PIR: variants seen among roughly 807,000 people sequenced by gnomAD.
PIR encodes pirin (iron-binding nuclear protein).
A neutral mutation model predicts 24.2 loss-of-function variants in PIR; 22 were observed. The ratio of observed to expected loss-of-function variants is 0.91; its 90% CI spans 0.65 to 1.30. The LOEUF (loss-of-function observed/expected upper bound fraction) is 1.30. Among genes scored for constraint, PIR ranks in the 50% most tolerant of loss-of-function variants. The pLI is 0.00. For synonymous variants in PIR, 80 were observed against 79.6 expected (o/e 1.00, Z -0.03); for missense variants, 220 against 220.3 (o/e 1.00, Z 0.01).
At chrX:15,436,446 A>AATT (rs1322680649) in intron 5 of PIR, among the ~76,000 whole-genome samples, 1 of 112,111 alleles carries the variant, frequency 8.9e-6, no homozygotes, top group East Asian at 2.8e-4. Context: ...TCCTTGCCTG[A>AATT]ATTTGGGTTA....
intron 6 of PIR, among the ~76,000 whole-genome samples, chrX:15,410,865 G>A (rs908662864): frequency 2.7e-5 from 3 of 112,222 alleles, no homozygotes; most frequent in African/African-American, 9.7e-5. Flanking sequence ...ATCTGCACTT[G>A]CTTCTGTTAA....
At chrX:15,415,575 A>G (rs1422840101) in intron 6 of PIR, among the ~76,000 whole-genome samples, 2 of 112,042 alleles carry the variant, frequency 1.8e-5, no homozygotes, top group African/African-American at 6.5e-5. Context: ...CATGGTGACT[A>G]CAGTTAATAA....
intron 2 of PIR, 40 bp from the exon 3 acceptor site, chrX:15,479,861 T>A: frequency 1.4e-6 from 1 of 716,511 alleles, no homozygotes; most frequent in Non-Finnish European, 2.1e-6. Context: ...ATATGTCTTT[T>A]AAGCCATACT....
intron 5 of PIR, among the ~76,000 whole-genome samples, chrX:15,439,938 A>G (rs1925860905): frequency 9.0e-6 from 1 of 111,689 alleles, no homozygotes; most frequent in African/African-American, 3.3e-5. Context: ...GCCACACAGG[A>G]GGTCACCTAC....
intron 3 of PIR, among the ~76,000 whole-genome samples, chrX:15,475,621 G>A (rs1489695143): frequency 3.6e-5 from 4 of 111,846 alleles, no homozygotes; most frequent in Admixed American, 1.9e-4. Flanking sequence ...TTCATCAACG[G>A]AGTCCGATCT....
rs777893526 is a variant in PIR, at chrX:15,479,776, C to G, written c.142G>C (p.Gly48Arg). Residue 48 changes from glycine to arginine, a missense_variant, in exon 3 of 10, where the codon GGT becomes CGT. Gly to Arg is a moderately radical substitution (Grantham distance 125, BLOSUM62 -2). Transcript: ENST00000380420. ...TGATCAGGAAATCCTCCTGGTCTAC[C>G]TCCTTTAAATTCATCAAACAGTAAA... is the stretch of plus-strand genomic sequence containing the variant. ...PFLLFDEFKG[G>R]RPGGFPDHPH... The G allele has an allele frequency of 8.5e-7, 1 of 1,182,308 alleles. No homozygotes were observed. Among genetic ancestry groups the G allele is most frequent in the South Asian group, 1.9e-5 (1 of 53,694 alleles).
intron 5 of PIR, among the ~76,000 whole-genome samples, chrX:15,455,407 G>A (rs1921041586): frequency 9.0e-6 from 1 of 111,134 alleles, no homozygotes; most frequent in Non-Finnish European, 1.9e-5. Flanking sequence ...GTAGTAGTGT[G>A]CTTTCCTTAC....
At chrX:15,390,792 T>G (rs994200334) in intron 8 of PIR, among the ~76,000 whole-genome samples, 2 of 111,502 alleles carry the variant, frequency 1.8e-5, no homozygotes, top group Non-Finnish European at 3.8e-5. Flanking sequence ...TCTCTAAAAG[T>G]TTTTGCTTAG....
At chrX:15,433,530 AAGAAAGAAAGAAAGAGAG>A (rs199981164) in intron 5 of PIR, among the ~76,000 whole-genome samples, 8,394 of 78,387 alleles carry the variant, frequency 0.11, 641 homozygotes, top group Admixed American at 0.16. Context: ...GAAAGAAAGA[AAGAAAGAAAGAAAGAGAG>A]AGAAAGAAAG....
chrX:15,466,000 G>A (rs750339972), intron 3 of PIR, among the ~76,000 whole-genome samples: 30 of 89,251 alleles, frequency 3.4e-4, no homozygotes, highest in African/African-American at 1.2e-3. Flanking sequence ...CTTTAAAATG[G>A]TGGCTGTTTT....
At chrX:15,424,485 T>C (rs576756061) in intron 6 of PIR, among the ~76,000 whole-genome samples, 1 of 111,992 alleles carries the variant, frequency 8.9e-6, no homozygotes, top group Non-Finnish European at 1.9e-5. Flanking sequence ...TGGTGTTTGA[T>C]AGATCAGTAG....
At chrX:15,392,231 G>C (rs1219312029) in intron 8 of PIR, among the ~76,000 whole-genome samples, 1 of 111,420 alleles carries the variant, frequency 9.0e-6, no homozygotes, top group Admixed American at 9.6e-5. Context: ...AAATTTTAGC[G>C]TGGTTACTCA....
At chrX:15,420,669 T>C (rs1284786623) in intron 6 of PIR, among the ~76,000 whole-genome samples, 3 of 111,385 alleles carry the variant, frequency 2.7e-5, no homozygotes, top group Admixed American at 1.9e-4. Flanking sequence ...TTAGATGATG[T>C]AGAATATCAC....
intron 5 of PIR, among the ~76,000 whole-genome samples, chrX:15,454,423 G>T (rs773530935): frequency 9.3e-6 from 1 of 107,751 alleles, no homozygotes; most frequent in African/African-American, 3.4e-5. Flanking sequence ...AATTACTTTT[G>T]TTTGCACTAG....
Position 15,384,975 on chromosome X carries a change from C to A in PIR, c.*29G>T. 1.2e-6 allele frequency: 1 copy of A among 813,136 alleles called. No individual in the cohort carries two copies. The highest frequency in any genetic ancestry group is 1.9e-6 in the Non-Finnish European group (1 of 539,347). The allele number at this position is 813,136 out of a possible 1,213,427, so 67.0% of individuals were successfully genotyped here. On this transcript the variant is annotated 3_prime_UTR_variant, in exon 10 of 10. Coordinates refer to ENST00000380420, the MANE Select transcript of PIR (RefSeq NM_001018109.3). ...TCTCAGAAATGGCAAAATTCTAGGA[C>A]ACATCAAGACCTGCTCTTCCGCTTT...
Position 15,421,658 on chromosome X carries a change from T to TA in PIR, c.565+4247dup, listed in dbSNP as rs60869715. ...GATAGAAGCCATAATAAGTCTCCCA[T>TA]AAAAAAAAAAAAAGCCCAAGATCTG... On this transcript the variant is annotated intron_variant, in intron 6 of 9. Transcript: ENST00000380420. Among the ~76,000 whole-genome samples the TA allele has an allele frequency of 4.4e-3, 413 of 93,102 alleles. 2 individuals are homozygous for TA. The highest frequency in any genetic ancestry group is 6.2e-3 in the East Asian group (19 of 3,077). 80.8% of individuals were successfully genotyped at this position (93,102 alleles called of 115,157 possible). A position where few individuals can be genotyped will look rare whatever the true frequency, so the allele number is the denominator to read the frequency against.
chrX:15,407,121 CA>C (rs1382570645), intron 7 of PIR, among the ~76,000 whole-genome samples: 2 of 112,456 alleles, frequency 1.8e-5, no homozygotes, highest in African/African-American at 6.5e-5. Flanking sequence ...ACTAGCATTG[CA>C]AATTCACCTC....
chrX:15,412,054 A>G (rs1460411463), intron 6 of PIR, among the ~76,000 whole-genome samples: 2 of 112,079 alleles, frequency 1.8e-5, no homozygotes, highest in South Asian at 3.7e-4. Flanking sequence ...AAAAACAAAG[A>G]TATTTTCTTA....
intron 3 of PIR, among the ~76,000 whole-genome samples, chrX:15,465,453 TG>T (rs1921520145): frequency 8.9e-6 from 1 of 112,252 alleles, no homozygotes. Context: ...ACAATCCAGA[TG>T]ATTTTTTAGG....
Sources: gnomAD v4.1 joint callset for allele counts (sites outside exome capture counted in the v4.1 genomes callset) on GRCh38, gnomAD v4.1.1 for gene constraint, MANE v1.5 for transcripts, NCBI Gene and HGNC (gene_info 2026-07-23, HGNC 2026-07-21) for gene names.